NDUFC1: variants seen among roughly 807,000 people sequenced by gnomAD.
NDUFC1 encodes NADH:ubiquinone oxidoreductase subunit C1, also known as NADH dehydrogenase [ubiquinone] 1 subunit C1, mitochondrial.
A neutral mutation model predicts 11.6 loss-of-function variants in NDUFC1; 11 were observed. The observed-to-expected ratio is 0.95, with a 90% CI of 0.60 to 1.58. The LOEUF (loss-of-function observed/expected upper bound fraction) is 1.58. NDUFC1 is among the 40% of genes most tolerant of loss of function. NDUFC1 has a pLI of 0.00. For synonymous variants in NDUFC1, 52 were observed against 42.2 expected (o/e 1.23, Z -0.90); for missense variants, 112 against 93.0 (o/e 1.20, Z -0.84).
intron 1 of NDUFC1, chr4:139,300,548 A>G (rs745406385): frequency 8.5e-5 from 13 of 152,226 alleles, no homozygotes; most frequent in Non-Finnish European, 1.9e-4. Flanking sequence ...TTTTAGATCA[A>G]TGGAATGCCA....
rs926324939 is a variant in NDUFC1, at chr4:139,297,386, A to G, written c.-164T>C. 1 of 152,204 alleles carries G rather than the reference A, an allele frequency of 6.6e-6. No individual in the cohort carries two copies. The highest frequency in any genetic ancestry group is 2.4e-5 in the African/African-American group (1 of 41,446). 9.4% of individuals were successfully genotyped at this position (152,204 alleles called of 1,614,324 possible). On this transcript the variant is annotated splice_region_variant and 5_prime_UTR_variant, in exon 2 of 6. The change abolishes an upstream ATG in the 5' untranslated region. Coordinates refer to ENST00000394223, the MANE Select transcript of NDUFC1 (RefSeq NM_001184989.2). ...GAAGTATAAGCACATTTTTCTCACCATATTAGAGCTGATGGGAACTGTACA... is the reference window on the plus strand; with the variant it reads ...GAAGTATAAGCACATTTTTCTCACCGTATTAGAGCTGATGGGAACTGTACA...
rs754189597 is a variant in NDUFC1 at position 139,295,739 on chromosome 4, C to T, written c.60G>A (p.Pro20=). Residue 20 remains proline, a synonymous_variant, in exon 3 of 6, where the codon CCG becomes CCA. Transcript: ENST00000394223. ...CACGAGGAGGATACTCACGGCCGCT[C>T]GGGAGCCTGGCGGGGGCCAGCAGCC... ...LSRLLAPARL[P]SGPSVRSKFY... 1.0e-5 allele frequency: 16 copies of T among 1,544,220 alleles called. No homozygotes were observed. The Admixed American group carries it at 2.9e-4, about 28-fold the overall frequency.
Position 139,292,566 on chromosome 4 carries a change from C to A in NDUFC1, c.215G>T (p.Arg72Ile). 6.4e-7 allele frequency: 1 copy of A among 1,564,532 alleles called. No homozygotes were observed. Among genetic ancestry groups the A allele is most frequent in the Non-Finnish European group, 8.8e-7 (1 of 1,142,048 alleles). Residue 72 changes from arginine (R) to isoleucine (I), a missense_variant, in exon 5 of 6, where the codon AGA (arginine) becomes ATA (isoleucine). Transcript: ENST00000394223. ...TTCAAAAGTTTATTCCAGCCCATTTCTTCTTTTGTACTCTAAAATATCTTC... is the reference window on the plus strand; with the variant it reads ...TTCAAAAGTTTATTCCAGCCCATTTATTCTTTTGTACTCTAAAATATCTTC... ...HNEDILEYKRRNGLE is the reference protein window; with the variant it reads ...HNEDILEYKRINGLE
At chr4:139,292,506 C>A in intron 5 of NDUFC1, 24 bp downstream of exon 5, 1 of 1,121,956 alleles carries the variant, frequency 8.9e-7, no homozygotes, top group South Asian at 1.5e-5. Flanking sequence ...ATAATCTATT[C>A]ATCCAATAAG....
At chr4:139,292,690 A>G in intron 4 of NDUFC1, 81 bp from the exon 5 acceptor site, 2 of 878,620 alleles carry the variant, frequency 2.3e-6, no homozygotes, top group Non-Finnish European at 3.4e-6. Context: ...GGATAGAAAA[A>G]ATAAACAACT....
At chr4:139,294,342 C>T (rs1015390838) in intron 4 of NDUFC1, among the ~76,000 whole-genome samples, 1 of 152,150 alleles carries the variant, frequency 6.6e-6, no homozygotes, top group Non-Finnish European at 1.5e-5. Flanking sequence ...TACTGGGATT[C>T]AATTTGTACA....
At chr4:139,292,086 C>T (rs1745246831) in intron 5 of NDUFC1, among the ~76,000 whole-genome samples, 1 of 152,168 alleles carries the variant, frequency 6.6e-6, no homozygotes, top group Admixed American at 6.5e-5. Context: ...ATCCACCCGC[C>T]TCGGCCTCCC....
At chr4:139,294,732 C>T (rs1745381877) in intron 4 of NDUFC1, among the ~76,000 whole-genome samples, 1 of 135,914 alleles carries the variant, frequency 7.4e-6, no homozygotes, top group Non-Finnish European at 1.6e-5. Context: ...GAGACTCCAT[C>T]TCAAAAAAAA....
intron 1 of NDUFC1, chr4:139,301,717 G>A: frequency 6.6e-7 from 1 of 1,522,228 alleles, no homozygotes; most frequent in East Asian, 2.5e-5. Flanking sequence ...CAGCGGCGGC[G>A]GTCGGACAAA....
intron 5 of NDUFC1, 144 bp from the exon 6 acceptor site, chr4:139,290,236 A>G (rs2110749373): frequency 6.6e-6 from 1 of 152,280 alleles, no homozygotes; most frequent in South Asian, 2.1e-4. Context: ...TTTAATTTTA[A>G]CAAAAAATAT....
In NDUFC1 at chr4:139,293,463, G is replaced by A. The variant is rs537052624; in HGVS notation, c.172-854C>T. On this transcript the variant is annotated intron_variant, in intron 4 of 5. Transcript: ENST00000394223. ...CAAAGATCCAAGTTCAATCACTAGT[G>A]CTCTCAGCAGTAATTAAGCTTCTTG... 2.6e-5 allele frequency among the ~76,000 whole-genome samples: 4 copies of A among 152,262 alleles called. No individual in the cohort carries two copies. The South Asian group carries it at 8.3e-4, about 32-fold the overall frequency.
chr4:139,300,696 T>C (rs1745675009), intron 1 of NDUFC1: 1 of 152,286 alleles, frequency 6.6e-6, no homozygotes, highest in African/African-American at 2.4e-5. Flanking sequence ...TTCTAAGATC[T>C]GAGAATTTCT....
intron 2 of NDUFC1, among the ~76,000 whole-genome samples, chr4:139,296,564 C>T (rs1047347532): frequency 3.9e-5 from 6 of 152,196 alleles, no homozygotes; most frequent in Non-Finnish European, 8.8e-5. Context: ...TCTATGATTT[C>T]TAGGCAAATT....
chr4:139,297,265 C>T (rs1745510566), intron 2 of NDUFC1, 120 bp downstream of exon 2: 3 of 152,336 alleles, frequency 2.0e-5, no homozygotes, highest in Admixed American at 2.0e-4. Context: ...AAGCAAATTA[C>T]TAATTTCAGT....
Position 139,301,610 on chromosome 4 carries a change from G to GA in NDUFC1, c.-222+805dup, listed in dbSNP as rs910944000. The GA allele has an allele frequency of 4.5e-5, 31 of 683,964 alleles. No homozygotes were observed. In the African/African-American group the frequency reaches 5.3e-4, roughly 12 times the overall value. The allele number at this position is 683,964 out of a possible 1,614,324, so 42.4% of individuals were successfully genotyped here. A position where few individuals can be genotyped will look rare whatever the true frequency, so the allele number is the denominator to read the frequency against. ...GTGAGAAAGGAAAAAAGACAACGAG[G>GA]AAAAAGGAGGTGTCCGGGTAGGGCA... On this transcript the variant is annotated intron_variant, in intron 1 of 5. Transcript: ENST00000394223.
Position 139,295,127 on chromosome 4 carries a change from G to C in NDUFC1, c.87C>G (p.Phe29Leu), listed in dbSNP as rs780353896. 1 of 1,614,150 alleles carries C rather than the reference G, an allele frequency of 6.2e-7. No homozygotes were observed. Among genetic ancestry groups the C allele is most frequent in the East Asian group, 2.2e-5 (1 of 44,882 alleles). Residue 29 changes from phenylalanine (F) to leucine (L), a missense_variant, in exon 4 of 6, where the codon TTC becomes TTG. By Grantham distance (22) the Phe-to-Leu change is conservative. Transcript: ENST00000394223. ...LPSGPSVRSK[F>L]YVREPPNAKP... is the part of the protein sequence containing the mutation. ...TGGCATTCGGCGGCTCTCGCACGTA[G>C]AACTTTGATCGCACTGAAGCTGAAA...
At chr4:139,294,905 G>T (rs767874425) in intron 4 of NDUFC1, 138 bp downstream of exon 4, 44 of 580,204 alleles carry the variant, frequency 7.6e-5, no homozygotes, top group Admixed American at 2.9e-5. Context: ...ATACGTATCA[G>T]CGATTATATA....
chr4:139,294,908 A>C, intron 4 of NDUFC1, 135 bp downstream of exon 4: 1 of 590,466 alleles, frequency 1.7e-6, no homozygotes, highest in East Asian at 2.8e-5. Context: ...CGTATCAGCG[A>C]TTATATAAAT....
chr4:139,293,193 C>T (rs900115798), intron 4 of NDUFC1, among the ~76,000 whole-genome samples: 1 of 152,112 alleles, frequency 6.6e-6, no homozygotes. Flanking sequence ...AATGGCTTAT[C>T]ATGAAGGGGT....
Sources: gnomAD v4.1 joint callset for allele counts (sites outside exome capture counted in the v4.1 genomes callset) on GRCh38, gnomAD v4.1.1 for gene constraint, MANE v1.5 for transcripts, NCBI Gene and HGNC (gene_info 2026-07-23, HGNC 2026-07-21) for gene names.